BBS9: variants seen among roughly 807,000 people sequenced by gnomAD.
BBS9 encodes the protein protein PTHB1.
BBS9 carries 89 observed loss-of-function variants against 117.7 expected under a neutral mutation model. That is an observed-to-expected ratio of 0.76 (90% CI 0.64 to 0.90). The LOEUF (loss-of-function observed/expected upper bound fraction) is 0.90, where lower values mean the gene tolerates loss of function less well. Among genes scored for constraint, BBS9 ranks in the 40% least tolerant of loss-of-function variants. The pLI, the probability that BBS9 is intolerant of heterozygous loss-of-function variation, is 0.00. For synonymous variants in BBS9, 379 were observed against 370.9 expected (o/e 1.02, Z -0.25); for missense variants, 982 against 1,042.2 (o/e 0.94, Z 0.80).
At chr7:33,186,472 GA>G (rs1783151878) in intron 5 of BBS9, among the ~76,000 whole-genome samples, 12 of 152,122 alleles carry the variant, frequency 7.9e-5, no homozygotes, top group Admixed American at 7.2e-4. Context: ...CCCCCATTCA[GA>G]AAAAACTTTC....
chr7:33,238,346 A>C (rs1008783818), intron 5 of BBS9, among the ~76,000 whole-genome samples: 1 of 151,846 alleles, frequency 6.6e-6, no homozygotes, highest in Non-Finnish European at 1.5e-5. Context: ...GCTGGAGTGC[A>C]ATGGCGCGAT....
intron 21 of BBS9, among the ~76,000 whole-genome samples, chr7:33,618,527 T>C (rs1170777820): frequency 6.6e-6 from 1 of 152,104 alleles, no homozygotes; most frequent in African/African-American, 2.4e-5. Flanking sequence ...ACTATACTTA[T>C]GATAATTTGG....
chr7:33,514,839 TAAC>T (rs1847496996), intron 20 of BBS9, among the ~76,000 whole-genome samples: 1 of 152,112 alleles, frequency 6.6e-6, no homozygotes, highest in Admixed American at 6.5e-5. Flanking sequence ...ACAATAATAA[TAAC>T]AACAATAATA....
intron 4 of BBS9, among the ~76,000 whole-genome samples, chr7:33,158,380 A>G (rs2128120794): frequency 6.6e-6 from 1 of 152,328 alleles, no homozygotes; most frequent in Non-Finnish European, 1.5e-5. Flanking sequence ...ATAATCATAT[A>G]TGCTATATTC....
chr7:33,220,280 A>G (rs1245526526), intron 5 of BBS9, among the ~76,000 whole-genome samples: 3 of 152,248 alleles, frequency 2.0e-5, no homozygotes. Context: ...TTTGAAGGTT[A>G]AATATCATGG....
chr7:33,378,419 C>T (rs758864734), intron 17 of BBS9, among the ~76,000 whole-genome samples: 107 of 152,132 alleles, frequency 7.0e-4, no homozygotes, highest in Admixed American at 1.8e-3. Flanking sequence ...AAGAGAATTT[C>T]GTCCCTTTGA....
At chr7:33,434,425 A>T (rs1283457053) in intron 19 of BBS9, among the ~76,000 whole-genome samples, 2 of 152,282 alleles carry the variant, frequency 1.3e-5, no homozygotes, top group African/African-American at 2.4e-5. Flanking sequence ...GCAACTCAAT[A>T]GATAGCCTTC....
At chr7:33,607,799 T>G (rs1380650602), downstream of BBS9, among the ~76,000 whole-genome samples, 1 of 152,054 alleles carries the variant, frequency 6.6e-6, no homozygotes, top group Non-Finnish European at 1.5e-5. Context: ...GTCAGCCAGG[T>G]TTTTAGGATT....
chr7:33,284,911 C>T (rs1802601169), intron 9 of BBS9, among the ~76,000 whole-genome samples: 1 of 152,164 alleles, frequency 6.6e-6, no homozygotes, highest in African/African-American at 2.4e-5. Context: ...CTTTGCTACT[C>T]TTAACCAGTG....
chr7:33,284,700 G>T (rs2128382376), intron 9 of BBS9, among the ~76,000 whole-genome samples: 1 of 152,150 alleles, frequency 6.6e-6, no homozygotes, highest in Admixed American at 6.5e-5. Context: ...CCCAATATCT[G>T]CTCTCTTTTT....
intron 17 of BBS9, among the ~76,000 whole-genome samples, chr7:33,379,059 C>T (rs887023461): frequency 6.6e-6 from 1 of 152,170 alleles, no homozygotes; most frequent in Non-Finnish European, 1.5e-5. Flanking sequence ...TTAACAGAAG[C>T]TGGTATAATG....
intron 6 of BBS9, among the ~76,000 whole-genome samples, chr7:33,260,251 C>T (rs1303852189): frequency 6.6e-6 from 1 of 152,158 alleles, no homozygotes; most frequent in Non-Finnish European, 1.5e-5. Context: ...GTCTGCCCGC[C>T]TCAGCCTCCC....
Position 33,308,865 on chromosome 7 carries a change from A to G in BBS9, c.1017-27576A>G, listed in dbSNP as rs189743486. On this transcript the variant is annotated intron_variant, in intron 9 of 22. Coordinates refer to ENST00000242067, the MANE Select transcript of BBS9 (RefSeq NM_198428.3). ...TATGGCCTCTTAGGAGCCACCAACT[A>G]TACACATATGAAAGAAAATGAAGCA... Among the ~76,000 whole-genome samples, 289 of 152,348 alleles carry G rather than the reference A, an allele frequency of 1.9e-3. 2 individuals carry two copies. The highest frequency in any genetic ancestry group is 6.6e-3 in the African/African-American group (273 of 41,574).
chr7:33,387,013 A>G (rs1463871392), intron 18 of BBS9, among the ~76,000 whole-genome samples: 2 of 152,020 alleles, frequency 1.3e-5, no homozygotes, highest in Non-Finnish European at 2.9e-5. Flanking sequence ...TATACATACT[A>G]TTTTGTATTG....
chr7:33,278,704 G>C (rs1053801300), intron 9 of BBS9, among the ~76,000 whole-genome samples: 1 of 152,112 alleles, frequency 6.6e-6, no homozygotes, highest in African/African-American at 2.4e-5. Context: ...GGTCGACAGT[G>C]CCTCACCAGC....
At chr7:33,368,379 G>T (rs1409079079) in intron 17 of BBS9, among the ~76,000 whole-genome samples, 2 of 152,070 alleles carry the variant, frequency 1.3e-5, no homozygotes, top group African/African-American at 4.8e-5. Flanking sequence ...AGTCAAGTTT[G>T]AATTTAAATA....
intron 19 of BBS9, among the ~76,000 whole-genome samples, chr7:33,465,794 G>A (rs1025056032): frequency 6.6e-6 from 1 of 152,106 alleles, no homozygotes; most frequent in Admixed American, 6.6e-5. Context: ...CTCAATAAAT[G>A]TCAGCTGCTA....
At chr7:33,153,063 T>G (rs1793595510) in intron 3 of BBS9, among the ~76,000 whole-genome samples, 1 of 152,196 alleles carries the variant, frequency 6.6e-6, no homozygotes, top group Non-Finnish European at 1.5e-5. Flanking sequence ...GTAATAGACT[T>G]AAGATGCCTG....
intron 19 of BBS9, among the ~76,000 whole-genome samples, chr7:33,503,187 A>G (rs1845680294): frequency 6.6e-6 from 1 of 152,164 alleles, no homozygotes; most frequent in East Asian, 1.9e-4. Flanking sequence ...CAAGCTCAAA[A>G]ATAAAATTAC....
Sources: allele counts gnomAD v4.1 joint callset (sites outside exome capture counted in the v4.1 genomes callset), GRCh38; gene constraint gnomAD v4.1.1; transcripts MANE v1.5; gene names NCBI Gene and HGNC (gene_info 2026-07-23, HGNC 2026-07-21).